Variants in BTBD7 observed in about 807,000 individuals in gnomAD.
The protein encoded by BTBD7 is BTB/POZ domain-containing protein 7.
A neutral mutation model predicts 99.9 loss-of-function variants in BTBD7; 38 were observed. The observed-to-expected ratio is 0.38, with a 90% CI of 0.29 to 0.50. The LOEUF is 0.50. BTBD7 is among the 20% of genes least tolerant of loss of function. BTBD7 has a pLI of 0.93. For synonymous variants in BTBD7, 520 were observed against 511.4 expected (o/e 1.02, Z -0.23); for missense variants, 1,170 against 1,394.6 (o/e 0.84, Z 2.57).
chr14:93,242,939 A>G lies in BTBD7; in HGVS notation c.2733T>C (p.His911=). 1 of 1,614,038 alleles carries G rather than the reference A, an allele frequency of 6.2e-7. No homozygotes were observed. Among genetic ancestry groups the G allele is most frequent in the Non-Finnish European group, 8.5e-7 (1 of 1,180,008 alleles). ...TATGTCTCTGTGGAATACACGACAG[A>G]TGCTGGGGAGGCCCTGGTCCTGCTT... is the stretch of plus-strand genomic sequence containing the variant. The part of the protein sequence containing the change: ...VSEAGPGPPQ[H]LSCIPQRHTH... The change falls in exon 11 of 11, where the codon CAT becomes CAC. Residue 911 remains histidine (H), a synonymous_variant. Coordinates refer to ENST00000334746, the MANE Select transcript of BTBD7 (RefSeq NM_001002860.4).
chr14:93,294,368 C>G lies in BTBD7; in HGVS notation c.652G>C (p.Asp218His), dbSNP rs374507319. The change falls in exon 3 of 11, where the codon GAT becomes CAT. Residue 218 changes from aspartate to histidine, a missense_variant. Physicochemically the swap from Asp to His is moderately conservative, Grantham distance 81. This residue lies in a region of BTBD7 where 359 missense variants were observed against 497.9 expected (regional missense o/e 0.72). Coordinates refer to ENST00000334746, the MANE Select transcript of BTBD7 (RefSeq NM_001002860.4). ...TCTTCACTAAGCTGAACAAGGATATCGACATTTTGAAACCTTGAGTCCTCC... is the reference window on the plus strand; with the variant it reads ...TCTTCACTAAGCTGAACAAGGATATGGACATTTTGAAACCTTGAGTCCTCC... ...GMEDSRFQNV[D>H]ILVQLSEEFG... is the part of the protein sequence containing the mutation. 12 of 1,614,128 alleles carry G rather than the reference C, an allele frequency of 7.4e-6. No homozygotes were observed. The highest frequency in any genetic ancestry group is 1.0e-5 in the Non-Finnish European group (12 of 1,180,032).
intron 1 of BTBD7, among the ~76,000 whole-genome samples, chr14:93,331,879 T>TCCCCCCCCCCCCCC (rs71129629): frequency 1.5e-5 from 2 of 133,114 alleles, no homozygotes; most frequent in African/African-American, 6.8e-5. Context: ...AGACTCCGTC[T>TCCCCCCCCCCCCCC]CCCCCCCCCC....
In BTBD7 at chr14:93,251,506, G is replaced by A. The variant is rs1253949306; in HGVS notation, c.1899C>T (p.Ser633=). 1 of 1,612,660 alleles carries A rather than the reference G, an allele frequency of 6.2e-7. No homozygotes were observed. Among genetic ancestry groups the A allele is most frequent in the East Asian group, 2.2e-5 (1 of 44,862 alleles). Residue 633 remains serine (S), a synonymous_variant, in exon 8 of 11, where the codon AGC becomes AGT. Coordinates refer to ENST00000334746, the MANE Select transcript of BTBD7 (RefSeq NM_001002860.4). The part of the protein sequence containing the change: ...CHMISHQQIS[S]NQSSPPSVVA... ...CAACTGAAGGAGGGCTTGACTGGTT[G>A]CTGCTGATCTGCTGGTGGCTGATCA...
rs1327715016 is a variant in BTBD7, at chr14:93,294,450, A to T, written c.570T>A (p.Ile190=). 4.3e-6 allele frequency: 7 copies of T among 1,614,190 alleles called. No homozygotes were observed. Among genetic ancestry groups the T allele is most frequent in the Non-Finnish European group, 5.9e-6 (7 of 1,180,036 alleles). Residue 190 remains isoleucine, a synonymous_variant, in exon 3 of 11, where the codon ATT becomes ATA. Coordinates refer to ENST00000334746, the MANE Select transcript of BTBD7 (RefSeq NM_001002860.4). The part of the protein sequence containing the change: ...EIIMDINTAG[I]DMPMFSALLH... ...ACAAAGCAGAAAACATGGGCATATC[A>T]ATACCAGCTGTATTGATGTCCATTA...
In BTBD7 at chr14:93,246,008, CGAAT is replaced by C; in HGVS notation, c.2396_2399del (p.His799ArgfsTer21). ...TAGGAGCTGTTCTGGAGTGGAACAG[CGAAT>C]GATTACAGGGATAAGAAAATGAACG... On this transcript the variant is annotated frameshift_variant, in exon 10 of 11. Coordinates refer to ENST00000334746, the MANE Select transcript of BTBD7 (RefSeq NM_001002860.4). LOFTEE classifies it high-confidence loss of function. 6.2e-7 allele frequency: 1 copy of C among 1,613,604 alleles called. No homozygotes were observed. The highest frequency in any genetic ancestry group is 8.5e-7 in the Non-Finnish European group (1 of 1,180,000).
At chr14:93,325,550 A>G (rs2053321276) in intron 1 of BTBD7, among the ~76,000 whole-genome samples, 1 of 152,200 alleles carries the variant, frequency 6.6e-6, no homozygotes, top group Admixed American at 6.5e-5. Flanking sequence ...CCAGACTAAT[A>G]AGGGAGTGGC....
At chr14:93,291,067 A>C (rs1478730120) in intron 3 of BTBD7, among the ~76,000 whole-genome samples, 1 of 143,690 alleles carries the variant, frequency 7.0e-6, no homozygotes, top group Non-Finnish European at 1.5e-5. Flanking sequence ...TCCTGGGCTC[A>C]AGTGATCCTC....
intron 3 of BTBD7, among the ~76,000 whole-genome samples, chr14:93,270,643 C>T (rs1047549365): frequency 1.3e-5 from 2 of 150,268 alleles, no homozygotes; most frequent in Non-Finnish European, 2.9e-5. Flanking sequence ...TGCAGTGAGC[C>T]GAGGTTGTGC....
At chr14:93,252,286 G>T (rs1051765868) in intron 7 of BTBD7, among the ~76,000 whole-genome samples, 1 of 151,090 alleles carries the variant, frequency 6.6e-6, no homozygotes. Context: ...CTCCAGCCTG[G>T]ATGACAAGAG....
At chr14:93,323,395 G>A (rs115056049) in intron 1 of BTBD7, among the ~76,000 whole-genome samples, 108 of 152,174 alleles carry the variant, frequency 7.1e-4, no homozygotes, top group African/African-American at 2.5e-3. Context: ...TGAAGCATGT[G>A]ACAGAACTAT....
At chr14:93,290,413 CCT>C (rs2052835311) in intron 3 of BTBD7, among the ~76,000 whole-genome samples, 1 of 151,028 alleles carries the variant, frequency 6.6e-6, no homozygotes, top group Admixed American at 6.6e-5. Flanking sequence ...GGGGTTTCAC[CCT>C]GTTAGCCAGG....
At position 93,278,046 on chromosome 14, in the gene BTBD7, T is replaced by C. The variant is rs557415499; in HGVS notation, c.1163-14053A>G. ...AGACCATTACCCCACTAGTGATGAA[T>C]AGTAAATTATTATAATGGAATTAAG... is the stretch of plus-strand genomic sequence containing the variant. On this transcript the variant is annotated intron_variant, in intron 3 of 10. Transcript: ENST00000334746. Among the ~76,000 whole-genome samples, 3 of 152,320 alleles carry C rather than the reference T, an allele frequency of 2.0e-5. No homozygotes were observed. The East Asian group carries it at 5.8e-4, about 29-fold the overall frequency.
At chr14:93,280,435 A>G (rs552389741) in intron 3 of BTBD7, among the ~76,000 whole-genome samples, 8 of 147,990 alleles carry the variant, frequency 5.4e-5, no homozygotes, top group Admixed American at 3.4e-4. Context: ...TTGAAGATGA[A>G]TATCGCTAGA....
chr14:93,255,465 GA>G lies in BTBD7; in HGVS notation c.1609-1676del, dbSNP rs896241879. The stretch of plus-strand genomic sequence containing the variant: ...TTACCAAATGAAGTTTTACATAGTT[GA>G]ATTTAAGAATACATAAAAATACATA... On this transcript the variant is annotated intron_variant, in intron 6 of 10. Coordinates refer to ENST00000334746, the MANE Select transcript of BTBD7 (RefSeq NM_001002860.4). The G allele has an allele frequency of 1.9e-4, 29 of 151,910 alleles. 1 individual carries two copies. Among genetic ancestry groups the G allele is most frequent in the African/African-American group, 5.8e-4 (24 of 41,452 alleles). The allele number at this position is 151,910 out of a possible 1,614,324, so 9.4% of individuals were successfully genotyped here. A position where few individuals can be genotyped will look rare whatever the true frequency, so the allele number is the denominator to read the frequency against.
At position 93,248,713 on chromosome 14, in the gene BTBD7, G is replaced by A. The variant is rs146700148; in HGVS notation, c.1943-59C>T. 6.0e-3 allele frequency: 8,562 copies of A among 1,435,242 alleles called. 84 individuals are homozygous for A. Among genetic ancestry groups the A allele is most frequent in the Middle Eastern group, 0.04 (160 of 3,986 alleles). The allele number at this position is 1,435,242 out of a possible 1,614,324, so 88.9% of individuals were successfully genotyped here. ...CCTGAGCTACACAAAAGACGACCCC[G>A]TGAGCCCAAGGGAAAAAAGCATGTA... On this transcript the variant is annotated intron_variant, in intron 8 of 10. Coordinates refer to ENST00000334746, the MANE Select transcript of BTBD7 (RefSeq NM_001002860.4).
chr14:93,273,941 G>C (rs1282446397), intron 3 of BTBD7, among the ~76,000 whole-genome samples: 2 of 152,316 alleles, frequency 1.3e-5, no homozygotes, highest in East Asian at 1.9e-4. Context: ...TGCAAGGTCT[G>C]TGGCTATACA....
chr14:93,241,031 G>A lies in BTBD7; in HGVS notation c.*1242C>T, dbSNP rs982884084. 1.3e-5 allele frequency: 2 copies of A among 152,090 alleles called. No homozygotes were observed. Among genetic ancestry groups the A allele is most frequent in the Non-Finnish European group, 2.9e-5 (2 of 68,024 alleles). 9.4% of individuals were successfully genotyped at this position (152,090 alleles called of 1,614,324 possible). On this transcript the variant is annotated 3_prime_UTR_variant, in exon 11 of 11. Coordinates refer to ENST00000334746, the MANE Select transcript of BTBD7 (RefSeq NM_001002860.4). ...AGCCCTTTTGTTTTTTTCCCATAGA[G>A]AGCAAGACAATTAAAGGCAGCAAGC...
chr14:93,277,056 C>T (rs936668396), intron 3 of BTBD7, among the ~76,000 whole-genome samples: 1 of 151,854 alleles, frequency 6.6e-6, no homozygotes, highest in Non-Finnish European at 1.5e-5. Flanking sequence ...CACGCACCAC[C>T]ACACCCAGAA....
chr14:93,280,718 T>C (rs542862959), intron 3 of BTBD7, among the ~76,000 whole-genome samples: 1 of 152,116 alleles, frequency 6.6e-6, no homozygotes, highest in African/African-American at 2.4e-5. Context: ...AGAGACCAAA[T>C]ATATGAAAAA....
Sources: allele counts gnomAD v4.1 joint callset (sites outside exome capture counted in the v4.1 genomes callset), GRCh38; gene constraint gnomAD v4.1.1; regional missense constraint gnomAD v4.1.1; transcripts MANE v1.5; gene names NCBI Gene and HGNC (gene_info 2026-07-23, HGNC 2026-07-21).